GNAO1: variants seen among roughly 807,000 people sequenced by gnomAD.
GNAO1 encodes the protein guanine nucleotide-binding protein G(o) subunit alpha.
For missense variants in GNAO1, 166 were observed against 478.7 expected (o/e 0.35, Z 6.10); for synonymous variants, 164 against 180.7 (o/e 0.91, Z 0.74).
At chr16:56,289,921 C>T (rs1053398343) in intron 3 of GNAO1, among the ~76,000 whole-genome samples, 1 of 152,204 alleles carries the variant, frequency 6.6e-6, no homozygotes, top group South Asian at 2.1e-4. Flanking sequence ...TTGCCTCCCA[C>T]CCCGTAATCT....
At chr16:56,193,788 G>C (rs1349440733) in intron 2 of GNAO1, 1 of 296,472 alleles carries the variant, frequency 3.4e-6, no homozygotes. Flanking sequence ...CGGTTGGCCT[G>C]TCAGTTCGAG....
chr16:56,306,618 A>G (rs2143596551), intron 3 of GNAO1, among the ~76,000 whole-genome samples: 1 of 152,222 alleles, frequency 6.6e-6, no homozygotes, highest in East Asian at 1.9e-4. Context: ...TATGTTAAAG[A>G]TAAAAATAAC....
At chr16:56,340,660 C>T (rs1434013093) in intron 6 of GNAO1, 12 of 659,598 alleles carry the variant, frequency 1.8e-5, no homozygotes, top group Admixed American at 9.3e-5. Context: ...AACAGGACCA[C>T]GTCCCGTCTG....
intron 6 of GNAO1, among the ~76,000 whole-genome samples, chr16:56,338,788 A>C (rs2037768844): frequency 6.6e-6 from 1 of 152,122 alleles, no homozygotes; most frequent in African/African-American, 2.4e-5. Context: ...TCTGCAGCCC[A>C]TGGGTCCCCA....
At chr16:56,239,585 G>A (rs528273788) in intron 2 of GNAO1, among the ~76,000 whole-genome samples, 7 of 152,318 alleles carry the variant, frequency 4.6e-5, no homozygotes, top group Non-Finnish European at 1.0e-4. Flanking sequence ...ACATCTGTAG[G>A]TGCTGAGGCA....
intron 2 of GNAO1, among the ~76,000 whole-genome samples, chr16:56,201,892 T>G (rs1334246047): frequency 6.6e-6 from 1 of 152,142 alleles, no homozygotes; most frequent in Admixed American, 6.5e-5. Flanking sequence ...TGAGTGCAGC[T>G]CCTGGTAGTG....
Position 56,206,385 on chromosome 16 carries a change from C to T in GNAO1, c.161+13769C>T, listed in dbSNP as rs891845151. 2.7e-5 allele frequency among the ~76,000 whole-genome samples: 4 copies of T among 150,396 alleles called. No individual in the cohort carries two copies. The South Asian group carries it at 8.4e-4, about 32-fold the overall frequency. On this transcript the variant is annotated intron_variant, in intron 2 of 8. Coordinates refer to ENST00000262493, the MANE Select transcript of GNAO1 (RefSeq NM_020988.3). ...CCAATGTTCAAGGAAGGCCTGTTGG[C>T]TATGGAAGGACATTTGGGTTTCATT...
At chr16:56,230,202 A>T (rs1005656030) in intron 2 of GNAO1, among the ~76,000 whole-genome samples, 1 of 152,010 alleles carries the variant, frequency 6.6e-6, no homozygotes, top group Admixed American at 6.6e-5. Flanking sequence ...AATTCTGTGC[A>T]CCTACGAGCT....
chr16:56,285,081 C>T (rs118189490), intron 3 of GNAO1, among the ~76,000 whole-genome samples: 1,622 of 152,304 alleles, frequency 0.011, 12 homozygotes, highest in Non-Finnish European at 0.018. Flanking sequence ...TGAGTGGATG[C>T]TCAAGGCTGG....
intron 2 of GNAO1, among the ~76,000 whole-genome samples, chr16:56,259,670 G>A (rs2036885258): frequency 6.6e-6 from 1 of 152,254 alleles, no homozygotes; most frequent in African/African-American, 2.4e-5. Flanking sequence ...TGAGCAGACA[G>A]TGCTGGGAGT....
intron 2 of GNAO1, among the ~76,000 whole-genome samples, chr16:56,262,556 T>C (rs551798083): frequency 8.6e-5 from 13 of 152,016 alleles, no homozygotes; most frequent in East Asian, 1.9e-4. Context: ...TTTTTTTTTT[T>C]CCCCAAAGAC....
chr16:56,241,581 C>T (rs79876154), intron 2 of GNAO1, among the ~76,000 whole-genome samples: 2,640 of 152,240 alleles, frequency 0.017, 48 homozygotes, highest in South Asian at 0.053. Flanking sequence ...TTTAAGGCAA[C>T]AATGTAAAAT....
intron 6 of GNAO1, chr16:56,346,022 G>C (rs985876377): frequency 5.1e-6 from 5 of 985,278 alleles, no homozygotes; most frequent in Non-Finnish European, 6.0e-6. Context: ...CCTGTCCCTA[G>C]AACTGGGGCT....
chr16:56,257,764 G>A (rs146641019), intron 2 of GNAO1, among the ~76,000 whole-genome samples: 26 of 152,330 alleles, frequency 1.7e-4, no homozygotes, highest in Admixed American at 6.5e-4. Context: ...TACCTGAAAC[G>A]TGAGGCTGAT....
intron 6 of GNAO1, chr16:56,345,948 A>G: frequency 2.0e-6 from 2 of 985,534 alleles, no homozygotes; most frequent in East Asian, 1.1e-4. Flanking sequence ...GTCCCCCAGC[A>G]GCCGCCCTCA....
intron 2 of GNAO1, among the ~76,000 whole-genome samples, chr16:56,254,802 T>C (rs868015921): frequency 1.3e-5 from 2 of 152,208 alleles, no homozygotes; most frequent in Non-Finnish European, 2.9e-5. Flanking sequence ...ATATTCTCTA[T>C]GTTCCCATAG....
chr16:56,344,373 C>T (rs1037156652), intron 6 of GNAO1: 6 of 1,025,796 alleles, frequency 5.8e-6, no homozygotes, highest in Admixed American at 5.0e-5. Context: ...GTCATAGGAG[C>T]CATCCTTCAG....
chr16:56,220,884 A>C (rs1256293456), intron 2 of GNAO1, among the ~76,000 whole-genome samples: 1 of 151,946 alleles, frequency 6.6e-6, no homozygotes, highest in Non-Finnish European at 1.5e-5. Context: ...AGTACCTGGG[A>C]TTACAGGTGC....
In GNAO1 at chr16:56,192,622, T is replaced by A; in HGVS notation, c.161+6T>A. 1 of 1,556,908 alleles carries A rather than the reference T, an allele frequency of 6.4e-7. No individual in the cohort carries two copies. Among genetic ancestry groups the A allele is most frequent in the Non-Finnish European group, 8.9e-7 (1 of 1,128,242 alleles). On this transcript the variant is annotated splice_donor_region_variant and intron_variant, in intron 2 of 8. Transcript: ENST00000262493. ...ACCATTGTGAAGCAGATGAAGTAAG[T>A]CCCTGTGGCATTGGGATTCGTACTT... is the stretch of plus-strand genomic sequence containing the variant.
Sources: gnomAD v4.1 joint callset for allele counts (sites outside exome capture counted in the v4.1 genomes callset) on GRCh38, gnomAD v4.1.1 for gene constraint, MANE v1.5 for transcripts, NCBI Gene and HGNC (gene_info 2026-07-23, HGNC 2026-07-21) for gene names.